SMARCA2: variants seen among roughly 807,000 people sequenced by gnomAD.
SMARCA2 encodes the protein SWI/SNF-related matrix-associated actin-dependent regulator of chromatin subfamily A member 2.
Under a neutral mutation model 199.8 loss-of-function variants are expected in SMARCA2, and 61 were observed. That is an observed-to-expected ratio of 0.31 (90% confidence interval 0.25 to 0.38). The LOEUF (loss-of-function observed/expected upper bound fraction) is 0.38, where lower values mean the gene tolerates loss of function less well. SMARCA2 is among the 10% of genes least tolerant of loss of function. SMARCA2 has a pLI of 1.00. For missense variants in SMARCA2, 1,344 were observed against 2,012.2 expected (o/e 0.67, Z 6.35); for synonymous variants, 935 against 732.0 (o/e 1.28, Z -4.48).
intron 2 of SMARCA2, among the ~76,000 whole-genome samples, chr9:2,030,195 G>GAT (rs1414882521): frequency 1.1e-4 from 16 of 152,284 alleles, no homozygotes; most frequent in Middle Eastern, 3.4e-3. Flanking sequence ...AGGAGATAGA[G>GAT]ATATATGTAA....
chr9:2,030,110 G>C (rs1818998468), intron 2 of SMARCA2, among the ~76,000 whole-genome samples: 1 of 152,216 alleles, frequency 6.6e-6, no homozygotes, highest in Non-Finnish European at 1.5e-5. Context: ...TATCACAGGT[G>C]GATAGGGTGG....
At chr9:2,162,810 G>A (rs1825749428) in intron 28 of SMARCA2, 1 of 152,146 alleles carries the variant, frequency 6.6e-6, no homozygotes, top group South Asian at 2.1e-4. Flanking sequence ...GTCGATGTGT[G>A]GAGTGGATGA....
At chr9:2,050,677 C>T (rs906115370) in intron 5 of SMARCA2, among the ~76,000 whole-genome samples, 1 of 151,210 alleles carries the variant, frequency 6.6e-6, no homozygotes, top group African/African-American at 2.4e-5. Context: ...CTGAAAATTC[C>T]TTCTCAAAAA....
intron 27 of SMARCA2, among the ~76,000 whole-genome samples, chr9:2,144,473 C>A (rs1824622640): frequency 6.6e-6 from 1 of 152,160 alleles, no homozygotes; most frequent in East Asian, 1.9e-4. Context: ...TTTGGGGTAT[C>A]ACTTTCTGAG....
chr9:2,055,423 C>T (rs1038253579), intron 6 of SMARCA2: 2 of 152,182 alleles, frequency 1.3e-5, no homozygotes, highest in African/African-American at 4.8e-5. Context: ...TGAAAAGGTT[C>T]AAGTTTGCTA....
chr9:2,055,835 A>C (rs535392564), intron 6 of SMARCA2, among the ~76,000 whole-genome samples: 2 of 152,358 alleles, frequency 1.3e-5, no homozygotes, highest in African/African-American at 4.8e-5. Flanking sequence ...TTACTAAATG[A>C]ATATTAACCA....
Position 2,103,719 on chromosome 9 carries a change from T to A in SMARCA2, c.3126-284T>A, listed in dbSNP as rs1419494205. Among the ~76,000 whole-genome samples, 2 of 150,906 alleles carry A rather than the reference T, an allele frequency of 1.3e-5. 1 individual carries two copies. Among genetic ancestry groups the A allele is most frequent in the African/African-American group, 4.9e-5 (2 of 40,840 alleles). On this transcript the variant is annotated intron_variant, in intron 22 of 33. Coordinates refer to ENST00000349721, the MANE Select transcript of SMARCA2 (RefSeq NM_003070.5). ...AGAAAGAATAAGTTGAGAGAAAGAT[T>A]GAAAGTATTAAGAACATGAAAGTGG...
intron 29 of SMARCA2, among the ~76,000 whole-genome samples, chr9:2,179,632 A>AT (rs759359386): frequency 5.9e-5 from 9 of 152,162 alleles, no homozygotes; most frequent in Non-Finnish European, 1.3e-4. Context: ...TTGTTGCACT[A>AT]TCGGTCACAA....
At chr9:2,180,372 G>C (rs974495717) in intron 29 of SMARCA2, among the ~76,000 whole-genome samples, 2 of 152,154 alleles carry the variant, frequency 1.3e-5, no homozygotes, top group African/African-American at 2.4e-5. Flanking sequence ...GCAACTGTTT[G>C]AGTTACTGCG....
chr9:2,049,324 T>A (rs923978674), intron 5 of SMARCA2, among the ~76,000 whole-genome samples: 1 of 152,228 alleles, frequency 6.6e-6, no homozygotes, highest in African/African-American at 2.4e-5. Context: ...GGAACTTTTT[T>A]GGAGATTACC....
At chr9:2,121,576 T>C (rs1455646522) in intron 26 of SMARCA2, among the ~76,000 whole-genome samples, 2 of 152,346 alleles carry the variant, frequency 1.3e-5, no homozygotes, top group South Asian at 4.1e-4. Context: ...AGAATAAATC[T>C]TTGGATTTTA....
chr9:2,150,451 A>G (rs1030086193), intron 27 of SMARCA2, among the ~76,000 whole-genome samples: 4 of 151,662 alleles, frequency 2.6e-5, no homozygotes, highest in African/African-American at 9.7e-5. Context: ...ACTAGGACAG[A>G]TAGCAGCTGC....
intron 29 of SMARCA2, among the ~76,000 whole-genome samples, chr9:2,171,048 A>G (rs1047695526): frequency 3.3e-5 from 5 of 152,200 alleles, no homozygotes; most frequent in African/African-American, 1.2e-4. Flanking sequence ...AAGCATCTAA[A>G]GCCAGTCTCT....
intron 10 of SMARCA2, among the ~76,000 whole-genome samples, chr9:2,071,152 C>G: frequency 6.6e-6 from 1 of 152,268 alleles, no homozygotes; most frequent in East Asian, 1.9e-4. Flanking sequence ...TTCTGATAAA[C>G]CTACTTGGAG....
chr9:2,157,546 G>C (rs1006011366), intron 27 of SMARCA2: 1 of 209,126 alleles, frequency 4.8e-6, no homozygotes, highest in African/African-American at 2.3e-5. Context: ...AGCAGAGTTA[G>C]TGTTTGAGTA....
chr9:2,189,367 C>T (rs1195624704), intron 32 of SMARCA2, among the ~76,000 whole-genome samples: 1 of 152,086 alleles, frequency 6.6e-6, no homozygotes, highest in Admixed American at 6.6e-5. Flanking sequence ...GCGTGCCTGA[C>T]AGCATTAGAG....
At chr9:2,093,319 A>G (rs912579848) in intron 19 of SMARCA2, among the ~76,000 whole-genome samples, 1 of 152,236 alleles carries the variant, frequency 6.6e-6, no homozygotes, top group Non-Finnish European at 1.5e-5. Flanking sequence ...GAACAATCAT[A>G]TATATTGATC....
intron 1 of SMARCA2, chr9:2,018,119 A>G (rs1396918217): frequency 6.6e-6 from 1 of 152,254 alleles, no homozygotes; most frequent in Non-Finnish European, 1.5e-5. Flanking sequence ...GTTTTACTCC[A>G]GCAATAAAAT....
intron 29 of SMARCA2, among the ~76,000 whole-genome samples, chr9:2,174,740 G>T (rs976330630): frequency 6.6e-6 from 1 of 151,804 alleles, no homozygotes; most frequent in Non-Finnish European, 1.5e-5. Context: ...AGGCAAGATG[G>T]TGGAAGCCTG....
Sources: allele counts gnomAD v4.1 joint callset (sites outside exome capture counted in the v4.1 genomes callset), GRCh38; gene constraint gnomAD v4.1.1; transcripts MANE v1.5; gene names NCBI Gene and HGNC (gene_info 2026-07-23, HGNC 2026-07-21).